Variants in DNAJC2 observed in about 807,000 individuals in gnomAD.
DNAJC2 encodes the protein DnaJ heat shock protein family (Hsp40) member C2.
A neutral mutation model predicts 94.0 loss-of-function variants in DNAJC2; 32 were observed. The ratio of observed to expected loss-of-function variants is 0.34; its 90% CI spans 0.26 to 0.46. DNAJC2 has a LOEUF of 0.46. DNAJC2 is among the 20% of genes least tolerant of loss of function. The probability of loss-of-function intolerance (pLI) is 1.00; values close to 1 mark genes in which losing one functional copy is unlikely to be tolerated. For synonymous variants in DNAJC2, 210 were observed against 229.7 expected, an observed-to-expected ratio of 0.91 and a Z score of 0.77; for missense variants, 550 against 719.5, an observed-to-expected ratio of 0.76 and a Z score of 2.69.
At chr7:103,343,986 C>T (rs1212510423) in intron 1 of DNAJC2, among the ~76,000 whole-genome samples, 3 of 152,202 alleles carry the variant, frequency 2.0e-5, no homozygotes, top group African/African-American at 7.2e-5. Flanking sequence ...TGTCCTGGGC[C>T]ATAAAACTAA....
chr7:103,315,726 T>C (rs1216540805), intron 15 of DNAJC2, 38 bp downstream of exon 15: 2 of 1,382,314 alleles, frequency 1.4e-6, no homozygotes, highest in Admixed American at 1.7e-5. Flanking sequence ...CACAGATACA[T>C]GGCTAGCATT....
At chr7:103,319,552 A>G (rs1818265718) in intron 12 of DNAJC2, 57 bp downstream of exon 12, 1 of 1,514,360 alleles carries the variant, frequency 6.6e-7, no homozygotes. Flanking sequence ...GTGAAGAAAC[A>G]GGTCAAAGCA....
intron 3 of DNAJC2, among the ~76,000 whole-genome samples, chr7:103,328,423 G>C (rs140017373): frequency 0.027 from 4,122 of 151,996 alleles, 90 homozygotes; most frequent in Non-Finnish European, 0.04. Context: ...TTGAGGTCAG[G>C]AGTTCAAGAC....
chr7:103,333,634 A>C (rs1246157652), intron 3 of DNAJC2, among the ~76,000 whole-genome samples: 1 of 152,212 alleles, frequency 6.6e-6, no homozygotes, highest in Non-Finnish European at 1.5e-5. Context: ...TCATCCAAAA[A>C]GTTCCCTTGT....
chr7:103,330,896 A>G (rs982239284), intron 3 of DNAJC2, among the ~76,000 whole-genome samples: 1 of 151,320 alleles, frequency 6.6e-6, no homozygotes, highest in African/African-American at 2.4e-5. Flanking sequence ...TTTTTTCATG[A>G]TACAAGTATC....
intron 3 of DNAJC2, among the ~76,000 whole-genome samples, chr7:103,331,837 A>T (rs1818986422): frequency 6.6e-6 from 1 of 152,140 alleles, no homozygotes; most frequent in Admixed American, 6.6e-5. Flanking sequence ...TACCCCTTTG[A>T]CATACTGTTT....
intron 10 of DNAJC2, among the ~76,000 whole-genome samples, chr7:103,320,194 T>C (rs1399532316): frequency 2.6e-5 from 4 of 152,102 alleles, no homozygotes; most frequent in African/African-American, 9.7e-5. Flanking sequence ...GTTCAAGCTA[T>C]TCTTCTGCCT....
At chr7:103,327,785 T>C (rs1818784558) in intron 3 of DNAJC2, 31 bp from the exon 4 acceptor site, 2 of 1,487,168 alleles carry the variant, frequency 1.3e-6, no homozygotes, top group Non-Finnish European at 1.9e-6. Context: ...AGATAATTTG[T>C]CACTTTAAGC....
At chr7:103,328,441 G>A (rs1412061408) in intron 3 of DNAJC2, among the ~76,000 whole-genome samples, 1 of 151,870 alleles carries the variant, frequency 6.6e-6, no homozygotes, top group Non-Finnish European at 1.5e-5. Context: ...GACTAGCCTG[G>A]CCAATATGGC....
chr7:103,318,524 CA>C (rs1818199403), intron 12 of DNAJC2, among the ~76,000 whole-genome samples: 2 of 152,180 alleles, frequency 1.3e-5, no homozygotes, highest in Non-Finnish European at 2.9e-5. Flanking sequence ...TCCTACACCT[CA>C]TTTACTATGG....
Position 103,319,612 on chromosome 7 carries a change from T to A in DNAJC2, c.1239A>T (p.Lys413Asn). 6.2e-7 allele frequency: 1 copy of A among 1,614,058 alleles called. No homozygotes were observed. Among genetic ancestry groups the A allele is most frequent in the Non-Finnish European group, 8.5e-7 (1 of 1,179,962 alleles). ...TKEVGKAALE[K>N]QIEEINEQIR... ...GAGTGATGTGTTCCTCTATTACCTGTTTTTCCAAAGCAGCCTTTCCTACTT... is the reference window on the plus strand; with the variant it reads ...GAGTGATGTGTTCCTCTATTACCTGATTTTCCAAAGCAGCCTTTCCTACTT... The change falls in exon 12 of 17, where the codon AAA (lysine) becomes AAT (asparagine). Residue 413 changes from lysine (K) to asparagine (N), a missense_variant. Around this residue, in one of 2 missense-constraint regions of DNAJC2, gnomAD observed 271 missense variants for 302.6 expected, o/e 0.90. Coordinates refer to ENST00000379263, the MANE Select transcript of DNAJC2 (RefSeq NM_014377.3).
Position 103,341,716 on chromosome 7 carries a change from A to G in DNAJC2, c.255+48T>C, listed in dbSNP as rs199999645. 2.3e-5 allele frequency: 33 copies of G among 1,423,524 alleles called. No individual in the cohort carries two copies. The East Asian group carries it at 4.9e-4, about 21-fold the overall frequency. 88.2% of individuals were successfully genotyped at this position (1,423,524 alleles called of 1,614,324 possible). A position where few individuals can be genotyped will look rare whatever the true frequency, so the allele number is the denominator to read the frequency against. On this transcript the variant is annotated intron_variant, in intron 2 of 16. Transcript: ENST00000379263. ...TGGAAAACTCATAAGAAAATTGTCT[A>G]TGTCTAACAAAGCATCTGACTGAAC...
chr7:103,344,066 A>T (rs1819498025), intron 1 of DNAJC2, among the ~76,000 whole-genome samples: 1 of 152,254 alleles, frequency 6.6e-6, no homozygotes. Context: ...TCTTTTCAGC[A>T]GCACAGTCTT....
At chr7:103,328,646 A>G (rs1440637438) in intron 3 of DNAJC2, among the ~76,000 whole-genome samples, 1 of 152,048 alleles carries the variant, frequency 6.6e-6, no homozygotes, top group Non-Finnish European at 1.5e-5. Flanking sequence ...GAAGAAGAAG[A>G]AAAAAACAAT....
intron 12 of DNAJC2, 45 bp from the exon 13 acceptor site, chr7:103,317,059 G>C: frequency 6.6e-7 from 1 of 1,514,682 alleles, no homozygotes; most frequent in Non-Finnish European, 9.1e-7. Context: ...ATACTGTATT[G>C]CTATTCTACA....
intron 1 of DNAJC2, 49 bp from the exon 2 acceptor site, chr7:103,342,003 A>G (rs774996701): frequency 1.5e-6 from 2 of 1,376,154 alleles, no homozygotes; most frequent in South Asian, 1.7e-5. Flanking sequence ...CATGGAATAA[A>G]TATGTTTCAA....
chr7:103,322,825 A>G, intron 7 of DNAJC2, 31 bp from the exon 8 acceptor site: 1 of 1,520,366 alleles, frequency 6.6e-7, no homozygotes, highest in Non-Finnish European at 9.0e-7. Flanking sequence ...GAAACAAACT[A>G]CTGCTTATAG....
intron 5 of DNAJC2, chr7:103,324,792 G>A: frequency 7.0e-6 from 2 of 284,182 alleles, no homozygotes; most frequent in South Asian, 1.5e-4. Context: ...GAGAAACAAC[G>A]GGACAGACTT....
intron 3 of DNAJC2, chr7:103,337,423 G>C (rs186869172): frequency 3.2e-5 from 7 of 219,472 alleles, no homozygotes; most frequent in African/African-American, 1.6e-4. Flanking sequence ...ACTAAGTGCA[G>C]CTGCTATACT....
Sources: gnomAD v4.1 joint callset for allele counts (sites outside exome capture counted in the v4.1 genomes callset) on GRCh38, gnomAD v4.1.1 for gene constraint, gnomAD v4.1.1 regional missense constraint, MANE v1.5 for transcripts, NCBI Gene and HGNC (gene_info 2026-07-23, HGNC 2026-07-21) for gene names.